CSMD1: variants seen among roughly 807,000 people sequenced by gnomAD.
The protein encoded by CSMD1 is CUB and sushi domain-containing protein 1.
Under a neutral mutation model 417.5 loss-of-function variants are expected in CSMD1, and 213 were observed. The ratio of observed to expected loss-of-function variants is 0.51; its 90% CI spans 0.46 to 0.57. The LOEUF is 0.57. CSMD1 is among the 20% of genes least tolerant of loss of function. CSMD1 has a pLI of 0.00. For missense variants in CSMD1, 6,923 were observed against 4,529.7 expected, an observed-to-expected ratio of 1.53 and a Z score of -15.17; for synonymous variants, 2,862 against 1,736.8, an observed-to-expected ratio of 1.65 and a Z score of -16.11.
At chr8:4,220,792 C>A (rs933078770) in intron 3 of CSMD1, among the ~76,000 whole-genome samples, 1 of 152,164 alleles carries the variant, frequency 6.6e-6, no homozygotes, top group Admixed American at 6.5e-5. Context: ...ATCCTTATAA[C>A]GCACCGAACG....
At chr8:3,244,016 G>A (rs1011509356) in intron 26 of CSMD1, among the ~76,000 whole-genome samples, 1 of 152,080 alleles carries the variant, frequency 6.6e-6, no homozygotes, top group Non-Finnish European at 1.5e-5. Context: ...TGCGTACCTC[G>A]ATAGATAAAA....
intron 5 of CSMD1, among the ~76,000 whole-genome samples, chr8:3,862,427 A>G (rs530285999): frequency 6.6e-6 from 1 of 152,164 alleles, no homozygotes; most frequent in South Asian, 2.1e-4. Context: ...CTTTCATTAC[A>G]TTCTCCTGGA....
At position 4,545,697 on chromosome 8, in the gene CSMD1, G is replaced by A. The variant is rs773074094; in HGVS notation, c.302+91645C>T. 3.3e-5 allele frequency among the ~76,000 whole-genome samples: 5 copies of A among 152,064 alleles called. No individual in the cohort carries two copies. In the East Asian group the frequency reaches 7.7e-4, roughly 24 times the overall value. The stretch of plus-strand genomic sequence containing the variant: ...GTGAGACATGCTCACTATTTTCTCT[G>A]TTAAAGCTGATGCCAACGGATAGCA... On this transcript the variant is annotated intron_variant, in intron 2 of 69. Transcript: ENST00000635120.
intron 8 of CSMD1, among the ~76,000 whole-genome samples, chr8:3,604,534 C>G (rs1274793021): frequency 6.6e-6 from 1 of 151,954 alleles, no homozygotes. Context: ...AGGATACCAA[C>G]CGAGATATCA....
At chr8:4,865,545 G>C (rs1449640881) in intron 1 of CSMD1, among the ~76,000 whole-genome samples, 1 of 151,916 alleles carries the variant, frequency 6.6e-6, no homozygotes, top group Non-Finnish European at 1.5e-5. Flanking sequence ...GGAGAAGAAT[G>C]TCGCTCATCA....
chr8:4,841,000 G>A (rs1800807933), intron 1 of CSMD1, among the ~76,000 whole-genome samples: 2 of 152,306 alleles, frequency 1.3e-5, no homozygotes, highest in South Asian at 4.1e-4. Context: ...CCTCTTAACT[G>A]AGCGTTTGCC....
intron 8 of CSMD1, among the ~76,000 whole-genome samples, chr8:3,589,074 AAAT>A (rs1228633088): frequency 1.3e-5 from 2 of 152,294 alleles, no homozygotes; most frequent in African/African-American, 2.4e-5. Flanking sequence ...AAAAGACAAA[AAAT>A]AATAAGTGTT....
At chr8:4,154,734 T>C (rs149607838) in intron 3 of CSMD1, among the ~76,000 whole-genome samples, 6 of 152,320 alleles carry the variant, frequency 3.9e-5, no homozygotes, top group African/African-American at 1.4e-4. Flanking sequence ...ACCTACCTTA[T>C]GCAAGTAAGG....
chr8:4,963,261 T>C (rs772336210), intron 1 of CSMD1, among the ~76,000 whole-genome samples: 16 of 152,158 alleles, frequency 1.1e-4, no homozygotes, highest in Non-Finnish European at 1.9e-4. Flanking sequence ...AGTGCAGTGG[T>C]GCAATCTTGA....
At chr8:4,888,239 A>C (rs753962878) in intron 1 of CSMD1, among the ~76,000 whole-genome samples, 7 of 152,094 alleles carry the variant, frequency 4.6e-5, no homozygotes, top group Non-Finnish European at 1.0e-4. Flanking sequence ...ATAAAGCTAT[A>C]TTTAGGAATC....
At chr8:4,733,111 G>C (rs778871908) in intron 1 of CSMD1, among the ~76,000 whole-genome samples, 4 of 152,062 alleles carry the variant, frequency 2.6e-5, no homozygotes, top group Non-Finnish European at 4.4e-5. Flanking sequence ...AATTAGAATA[G>C]AAGGCAACCA....
At chr8:3,526,355 T>C (rs912113595) in intron 10 of CSMD1, among the ~76,000 whole-genome samples, 5 of 152,158 alleles carry the variant, frequency 3.3e-5, no homozygotes, top group African/African-American at 9.7e-5. Flanking sequence ...CAAATCCCTT[T>C]GGTGTGAGTT....
rs1195105625 is a variant in CSMD1 at position 4,354,204 on chromosome 8, A to G, written c.415+65749T>C. Among the ~76,000 whole-genome samples the G allele has an allele frequency of 2.6e-5, 4 of 152,160 alleles. No individual in the cohort carries two copies. The East Asian group carries it at 7.7e-4, about 29-fold the overall frequency. ...CATGTCCACAAGCACATCTTCAGAG[A>G]TTACCACCCTGAGCCTTCCGATATT... On this transcript the variant is annotated intron_variant, in intron 3 of 69. Transcript: ENST00000635120.
rs185393542 is a variant in CSMD1, at chr8:3,252,695, C to A, written c.4154-22464G>T. Among the ~76,000 whole-genome samples, 372 of 152,208 alleles carry A rather than the reference C, an allele frequency of 2.4e-3. 1 individual carries two copies. Among genetic ancestry groups the A allele is most frequent in the African/African-American group, 8.0e-3 (333 of 41,528 alleles). ...GGCTGTGAATCCATCTGGTCCTGGACTTTTTTTAGGTTGGTAAGCTATTAA... is the reference window on the plus strand; with the variant it reads ...GGCTGTGAATCCATCTGGTCCTGGAATTTTTTTAGGTTGGTAAGCTATTAA... On this transcript the variant is annotated intron_variant, in intron 26 of 69. Transcript: ENST00000635120.
chr8:4,443,958 A>T (rs1798629870), intron 2 of CSMD1, among the ~76,000 whole-genome samples: 1 of 152,162 alleles, frequency 6.6e-6, no homozygotes, highest in African/African-American at 2.4e-5. Flanking sequence ...TGTGTGATAT[A>T]ATTACCTGTG....
intron 3 of CSMD1, among the ~76,000 whole-genome samples, chr8:4,215,870 G>A (rs907682523): frequency 6.6e-6 from 1 of 152,156 alleles, no homozygotes; most frequent in East Asian, 1.9e-4. Context: ...ATTCTATGAT[G>A]TTAAGAATAA....
At chr8:2,947,582 C>T (rs1024064865) in intron 68 of CSMD1, among the ~76,000 whole-genome samples, 4 of 152,136 alleles carry the variant, frequency 2.6e-5, no homozygotes, top group African/African-American at 4.8e-5. Flanking sequence ...GCAAAGAAAA[C>T]GTGTAATAGC....
At chr8:3,264,533 C>A (rs1208457351) in intron 26 of CSMD1, among the ~76,000 whole-genome samples, 1 of 152,114 alleles carries the variant, frequency 6.6e-6, no homozygotes, top group Non-Finnish European at 1.5e-5. Context: ...AATCATTTAC[C>A]ACGTAATGCT....
intron 3 of CSMD1, among the ~76,000 whole-genome samples, chr8:4,162,849 G>A (rs1226359964): frequency 1.3e-5 from 2 of 152,148 alleles, no homozygotes; most frequent in African/African-American, 4.8e-5. Flanking sequence ...CACCATTGCA[G>A]TATCACACTG....
Sources: allele counts gnomAD v4.1 joint callset (sites outside exome capture counted in the v4.1 genomes callset), GRCh38; gene constraint gnomAD v4.1.1; transcripts MANE v1.5; gene names NCBI Gene and HGNC (gene_info 2026-07-23, HGNC 2026-07-21).